The following ROBO2 variants were observed in gnomAD, a reference collection of about 807,000 sequenced individuals.
ROBO2 encodes the protein roundabout guidance receptor 2.
A neutral mutation model predicts 160.8 loss-of-function variants in ROBO2; 53 were observed. The ratio of observed to expected loss-of-function variants is 0.33; its 90% CI spans 0.26 to 0.41. ROBO2 has a LOEUF of 0.41. Among genes scored for constraint, ROBO2 ranks in the 10% least tolerant of loss-of-function variants. The pLI, the probability that ROBO2 is intolerant of heterozygous loss-of-function variation, is 1.00. For missense variants in ROBO2, 1,577 were observed against 1,722.4 expected (o/e 0.92, Z 1.49); for synonymous variants, 664 against 611.7 (o/e 1.09, Z -1.26).
intron 2 of ROBO2, among the ~76,000 whole-genome samples, chr3:76,808,171 C>T (rs2064882725): frequency 6.6e-6 from 1 of 152,050 alleles, no homozygotes; most frequent in African/African-American, 2.4e-5. Context: ...CTTTTTTCTT[C>T]TATCCAAGGA....
intron 2 of ROBO2, among the ~76,000 whole-genome samples, chr3:76,440,820 A>C (rs1417409894): frequency 1.3e-5 from 2 of 152,100 alleles, no homozygotes; most frequent in Non-Finnish European, 2.9e-5. Flanking sequence ...AAGGATTAGT[A>C]GGTGAGTGCT....
intron 2 of ROBO2, among the ~76,000 whole-genome samples, chr3:77,322,020 T>G (rs2064763035): frequency 6.6e-6 from 1 of 152,148 alleles, no homozygotes. Context: ...TATGGAAGGC[T>G]TAAATGGAGA....
chr3:77,113,085 G>A (rs2073833089), intron 2 of ROBO2, among the ~76,000 whole-genome samples: 1 of 152,048 alleles, frequency 6.6e-6, no homozygotes, highest in African/African-American at 2.4e-5. Flanking sequence ...AAAAAATCCC[G>A]TTTGTGCATA....
chr3:77,474,265 A>AT (rs1446517878), intron 2 of ROBO2, among the ~76,000 whole-genome samples: 1 of 152,128 alleles, frequency 6.6e-6, no homozygotes, highest in East Asian at 1.9e-4. Context: ...GTATATAAGC[A>AT]TTGGTATACC....
intron 23 of ROBO2, chr3:77,633,890 C>T (rs1259791485): frequency 6.6e-6 from 1 of 152,194 alleles, no homozygotes; most frequent in East Asian, 1.9e-4. Context: ...GAAACTAATA[C>T]ATTAGAAGGC....
chr3:77,024,204 T>G (rs1191227830), intron 2 of ROBO2, among the ~76,000 whole-genome samples: 1 of 152,154 alleles, frequency 6.6e-6, no homozygotes, highest in African/African-American at 2.4e-5. Flanking sequence ...GAGAAATGTG[T>G]GAACATTTCA....
intron 2 of ROBO2, among the ~76,000 whole-genome samples, chr3:76,946,203 C>G (rs565779150): frequency 1.3e-5 from 2 of 152,094 alleles, no homozygotes; most frequent in African/African-American, 4.8e-5. Flanking sequence ...TCAGAATATG[C>G]CTTGAATTAT....
rs574233132 is a variant in ROBO2 at position 76,518,401 on chromosome 3, A to T, written c.110-579613A>T. ...GCGTGCCATGTAAAATAATCACATC[A>T]TGATTCCCACATTCCAGATGAAAGA... On this transcript the variant is annotated intron_variant, in intron 2 of 26. Coordinates refer to the ROBO2 transcript ENST00000487694. Among the ~76,000 whole-genome samples, 5 of 152,232 alleles carry T rather than the reference A, an allele frequency of 3.3e-5. No homozygotes were observed. In the South Asian group the frequency reaches 1.0e-3, roughly 32 times the overall value.
chr3:76,672,716 G>T (rs1226706871), intron 2 of ROBO2, among the ~76,000 whole-genome samples: 1 of 152,124 alleles, frequency 6.6e-6, no homozygotes, highest in African/African-American at 2.4e-5. Flanking sequence ...TCAGTCACCA[G>T]TGTGCCCATC....
intron 2 of ROBO2, among the ~76,000 whole-genome samples, chr3:77,322,732 ATATGT>A (rs996253889): frequency 2.1e-5 from 3 of 141,882 alleles, no homozygotes; most frequent in Non-Finnish European, 4.5e-5. Flanking sequence ...GGTCTAATAT[ATATGT>A]TATATGTTTA....
chr3:77,410,054 G>A (rs79357007), intron 2 of ROBO2, among the ~76,000 whole-genome samples: 2,026 of 152,208 alleles, frequency 0.013, 45 homozygotes, highest in African/African-American at 0.044. Context: ...TCAGTAAATT[G>A]CATGCAATAA....
chr3:77,219,684 G>T (rs1375987968), intron 2 of ROBO2, among the ~76,000 whole-genome samples: 2 of 151,124 alleles, frequency 1.3e-5, no homozygotes, highest in African/African-American at 2.4e-5. Context: ...TTGTAAAATG[G>T]TTAAACAGTA....
chr3:77,575,815 A>G (rs1410879975), intron 14 of ROBO2, among the ~76,000 whole-genome samples: 1 of 152,248 alleles, frequency 6.6e-6, no homozygotes, highest in East Asian at 1.9e-4. Flanking sequence ...AGGTAACCTT[A>G]ACACAGAATG....
At chr3:76,603,857 T>C (rs2087433206) in intron 2 of ROBO2, among the ~76,000 whole-genome samples, 1 of 152,160 alleles carries the variant, frequency 6.6e-6, no homozygotes, top group Non-Finnish European at 1.5e-5. Context: ...TGCTTGATAG[T>C]TTCCTGTCAA....
At position 76,943,327 on chromosome 3, in the gene ROBO2, T is replaced by A. The variant is rs200124754; in HGVS notation, c.110-154687T>A. ...ACTCGTTGCTATCTGTTAGTAGTTG[T>A]GTCCCCAGACCTGGCTAGAAAAATT... On this transcript the variant is annotated intron_variant, in intron 2 of 26. Coordinates refer to the ROBO2 transcript ENST00000487694. Among the ~76,000 whole-genome samples, 11 of 152,304 alleles carry A rather than the reference T, an allele frequency of 7.2e-5. 1 individual carries two copies. The East Asian group carries it at 2.1e-3, about 29-fold the overall frequency.
chr3:76,262,598 T>C (rs2107599431), intron 2 of ROBO2, among the ~76,000 whole-genome samples: 1 of 152,250 alleles, frequency 6.6e-6, no homozygotes, highest in Middle Eastern at 3.4e-3. Context: ...CTTGGGGTTG[T>C]CCCTAAAGCT....
intron 2 of ROBO2, among the ~76,000 whole-genome samples, chr3:77,230,871 A>T (rs542041093): frequency 1.3e-5 from 2 of 152,354 alleles, no homozygotes; most frequent in South Asian, 2.1e-4. Context: ...TTTTATGAAA[A>T]TAATTAACTT....
At chr3:76,937,783 G>A (rs1365488542) in intron 2 of ROBO2, among the ~76,000 whole-genome samples, 3 of 152,166 alleles carry the variant, frequency 2.0e-5, no homozygotes, top group Non-Finnish European at 4.4e-5. Context: ...CTTTGTGGAT[G>A]TAATAGTATT....
intron 1 of ROBO2, among the ~76,000 whole-genome samples, chr3:75,920,274 A>T (rs554253794): frequency 6.6e-6 from 1 of 152,164 alleles, no homozygotes; most frequent in African/African-American, 2.4e-5. Context: ...TTCTGCCTTA[A>T]TTTTGCTATT....
Sources: gnomAD v4.1 joint callset for allele counts (sites outside exome capture counted in the v4.1 genomes callset) on GRCh38, gnomAD v4.1.1 for gene constraint, MANE v1.5 for transcripts, NCBI Gene and HGNC (gene_info 2026-07-23, HGNC 2026-07-21) for gene names.